MEIS1: variants seen among roughly 807,000 people sequenced by gnomAD.
The protein encoded by MEIS1 is homeobox protein Meis1.
MEIS1 carries 5 observed loss-of-function variants against 50.8 expected under a neutral mutation model. The ratio of observed to expected loss-of-function variants is 0.10; its 90% CI spans 0.05 to 0.21. The LOEUF (loss-of-function observed/expected upper bound fraction) is 0.21. Ranked by LOEUF, MEIS1 falls within the 10% of genes least tolerant of loss-of-function variation. The probability of loss-of-function intolerance (pLI) is 1.00; values close to 1 mark genes in which losing one functional copy is unlikely to be tolerated. For missense variants in MEIS1, 318 were observed against 517.3 expected, an observed-to-expected ratio of 0.61 and a Z score of 3.74; for synonymous variants, 176 against 179.3, an observed-to-expected ratio of 0.98 and a Z score of 0.15.
At chr2:66,481,632 C>T (rs1261611025) in intron 7 of MEIS1, among the ~76,000 whole-genome samples, 3 of 152,110 alleles carry the variant, frequency 2.0e-5, no homozygotes, top group Non-Finnish European at 4.4e-5. Flanking sequence ...TCTCTTTATT[C>T]TCATGAGTCT....
intron 2 of MEIS1, 108 bp downstream of exon 2, chr2:66,438,071 T>C: frequency 9.8e-7 from 1 of 1,018,722 alleles, no homozygotes; most frequent in African/African-American, 1.6e-5. Flanking sequence ...AGGTACATCT[T>C]TGGTGACTTT....
At chr2:66,472,043 A>G (rs1372761492) in intron 7 of MEIS1, among the ~76,000 whole-genome samples, 2 of 152,120 alleles carry the variant, frequency 1.3e-5, no homozygotes, top group African/African-American at 4.8e-5. Context: ...TCATTCTCTT[A>G]TCCTTTCTCA....
chr2:66,500,394 G>A lies in MEIS1; in HGVS notation c.743-11755G>A, dbSNP rs1020199854. ...TGTTGAAAAGCACTCCTTCTAATCTGGATGTCAGAAAGCTTTTTAAATTTT... is the reference window on the plus strand; with the variant it reads ...TGTTGAAAAGCACTCCTTCTAATCTAGATGTCAGAAAGCTTTTTAAATTTT... On this transcript the variant is annotated intron_variant, in intron 7 of 12. Coordinates refer to ENST00000272369, the MANE Select transcript of MEIS1 (RefSeq NM_002398.3). Among the ~76,000 whole-genome samples, 18 of 152,094 alleles carry A rather than the reference G, an allele frequency of 1.2e-4. No individual in the cohort carries two copies. The East Asian group carries it at 3.5e-3, about 29-fold the overall frequency.
At chr2:66,473,397 A>AAAAAAAAATATATATATATAT in intron 7 of MEIS1, among the ~76,000 whole-genome samples, 3 of 107,592 alleles carry the variant, frequency 2.8e-5, no homozygotes, top group African/African-American at 1.7e-4. Context: ...AAAAAAAAAA[A>AAAAAAAAATATATATATATAT]ATATATATAT....
At chr2:66,436,738 T>G (rs901723466) in intron 1 of MEIS1, among the ~76,000 whole-genome samples, 1 of 152,220 alleles carries the variant, frequency 6.6e-6, no homozygotes, top group East Asian at 1.9e-4. Context: ...TGGCAATTCC[T>G]CCTTTCTTTG....
At chr2:66,442,680 G>A (rs1672025028) in intron 5 of MEIS1, 2 of 486,936 alleles carry the variant, frequency 4.1e-6, no homozygotes, top group Non-Finnish European at 7.1e-6. Context: ...GTTGTAGCCT[G>A]TGAATCATCT....
intron 6 of MEIS1, chr2:66,454,822 T>G (rs557542615): frequency 6.6e-6 from 1 of 152,264 alleles, no homozygotes; most frequent in East Asian, 1.9e-4. Flanking sequence ...TTACTGATTC[T>G]TCTCCCACTG....
chr2:66,443,241 T>A, intron 6 of MEIS1, 193 bp downstream of exon 6: 1 of 572,382 alleles, frequency 1.7e-6, no homozygotes, highest in Non-Finnish European at 2.9e-6. Flanking sequence ...GGATTCGACC[T>A]GAAGAGATGA....
intron 7 of MEIS1, among the ~76,000 whole-genome samples, chr2:66,472,392 G>T (rs1007745462): frequency 1.3e-5 from 2 of 152,166 alleles, no homozygotes; most frequent in Non-Finnish European, 2.9e-5. Context: ...TTAAGCGGGG[G>T]ATGGGAATGT....
chr2:66,451,858 A>G (rs892808376), intron 6 of MEIS1, among the ~76,000 whole-genome samples: 3 of 151,830 alleles, frequency 2.0e-5, no homozygotes, highest in African/African-American at 4.8e-5. Flanking sequence ...CAGGTGGGCT[A>G]TTTTTGGAAA....
At chr2:66,537,001 A>G (rs541553187) in intron 8 of MEIS1, among the ~76,000 whole-genome samples, 6 of 152,266 alleles carry the variant, frequency 3.9e-5, no homozygotes, top group South Asian at 2.1e-4. Context: ...TGGCTATTCT[A>G]TAGTTTTCAT....
Position 66,573,710 on chromosome 2 carries a change from T to C in MEIS1, c.*2502T>C, listed in dbSNP as rs781628036. The C allele has an allele frequency of 2.0e-5, 3 of 152,238 alleles. No individual in the cohort carries two copies. The highest frequency in any genetic ancestry group is 2.9e-5 in the Non-Finnish European group (2 of 68,066). 9.4% of individuals were successfully genotyped at this position (152,238 alleles called of 1,614,324 possible). A position where few individuals can be genotyped will look rare whatever the true frequency, so the allele number is the denominator to read the frequency against. On this transcript the variant is annotated 3_prime_UTR_variant, in exon 13 of 13. Coordinates refer to ENST00000272369, the MANE Select transcript of MEIS1 (RefSeq NM_002398.3). ...AGCGCTTCTACCCCTCCCCAGCCCATAGATGGGATTGTTTAAATCTCCCTT... is the reference window on the plus strand; with the variant it reads ...AGCGCTTCTACCCCTCCCCAGCCCACAGATGGGATTGTTTAAATCTCCCTT...
At chr2:66,522,082 A>G (rs1026111104) in intron 8 of MEIS1, among the ~76,000 whole-genome samples, 3 of 152,218 alleles carry the variant, frequency 2.0e-5, no homozygotes, top group African/African-American at 7.2e-5. Flanking sequence ...AAAACGCCTA[A>G]TACTGTACGA....
At chr2:66,567,849 C>T in intron 10 of MEIS1, 1 of 538,314 alleles carries the variant, frequency 1.9e-6, no homozygotes, top group Non-Finnish European at 3.3e-6. Context: ...CTCCCTGGTG[C>T]ATGGCTTGGT....
chr2:66,562,395 GA>G lies in MEIS1; in HGVS notation c.966-5047del, dbSNP rs34726376. 6.9e-3 allele frequency among the ~76,000 whole-genome samples: 946 copies of G among 136,384 alleles called. 2 individuals are homozygous for G. Among genetic ancestry groups the G allele is most frequent in the South Asian group, 0.014 (59 of 4,338 alleles). 89.5% of individuals were successfully genotyped at this position (136,384 alleles called of 152,430 possible). On this transcript the variant is annotated intron_variant, in intron 9 of 12. Coordinates refer to ENST00000272369, the MANE Select transcript of MEIS1 (RefSeq NM_002398.3). The stretch of plus-strand genomic sequence containing the variant: ...GGAGATAGATGAAATTAGTCCAGTG[GA>G]AAAAAAAAAAGCCTAATGATAAATA...
chr2:66,448,735 T>A, intron 6 of MEIS1, among the ~76,000 whole-genome samples: 1 of 152,116 alleles, frequency 6.6e-6, no homozygotes, highest in East Asian at 1.9e-4. Flanking sequence ...TACAAAAACT[T>A]TTAAAGGAAA....
chr2:66,502,005 T>C (rs1572859407), intron 7 of MEIS1, among the ~76,000 whole-genome samples: 1 of 152,244 alleles, frequency 6.6e-6, no homozygotes, highest in East Asian at 1.9e-4. Context: ...AGAAGCTTAA[T>C]TGAATGAATT....
intron 6 of MEIS1, among the ~76,000 whole-genome samples, chr2:66,452,633 T>G (rs968817595): frequency 3.2e-4 from 49 of 152,054 alleles, no homozygotes; most frequent in African/African-American, 1.1e-3. Context: ...GATGATAAAT[T>G]AATATGTTCA....
At chr2:66,515,215 C>G (rs1222675628) in intron 8 of MEIS1, among the ~76,000 whole-genome samples, 1 of 152,158 alleles carries the variant, frequency 6.6e-6, no homozygotes, top group Non-Finnish European at 1.5e-5. Context: ...AAACTGTAAA[C>G]TAGTCTTTTT....
Sources: allele counts gnomAD v4.1 joint callset (sites outside exome capture counted in the v4.1 genomes callset), GRCh38; gene constraint gnomAD v4.1.1; transcripts MANE v1.5; gene names NCBI Gene and HGNC (gene_info 2026-07-23, HGNC 2026-07-21).